The following NUDC variants were observed in gnomAD, a reference collection of about 807,000 sequenced individuals.
NUDC encodes nuclear distribution C, dynein complex regulator, also known as nuclear migration protein nudC.
Under a neutral mutation model 45.0 loss-of-function variants are expected in NUDC, and 14 were observed. That is an observed-to-expected ratio of 0.31 (90% confidence interval 0.21 to 0.49). The LOEUF (loss-of-function observed/expected upper bound fraction) is 0.49. Ranked by LOEUF, NUDC falls within the 20% of genes least tolerant of loss-of-function variation. NUDC has a pLI of 0.99. For synonymous variants in NUDC, 153 were observed against 156.7 expected (o/e 0.98, Z 0.17); for missense variants, 323 against 426.2 (o/e 0.76, Z 2.13).
rs779227569 is a variant in NUDC at position 26,942,886 on chromosome 1, T to A, written c.562T>A (p.Cys188Ser). 6.2e-7 allele frequency: 1 copy of A among 1,613,820 alleles called. No individual in the cohort carries two copies. ...LSELDLAVPF[C>S]VNFRLKGKDM... is the part of the protein sequence containing the mutation. ...CCCTATGCAGCTGGCGGTCCCTTTC[T>A]GTGTGAACTTCCGGCTGAAAGGGAA... is the stretch of plus-strand genomic sequence containing the variant. Residue 188 changes from cysteine (C) to serine (S), a missense_variant, in exon 6 of 9, where the codon TGT becomes AGT. This residue lies in a region of NUDC where 245 missense variants were observed against 278.8 expected (regional missense o/e 0.88). Coordinates refer to ENST00000321265, the MANE Select transcript of NUDC (RefSeq NM_006600.4).
Position 26,945,380 on chromosome 1 carries a change from C to G in NUDC, c.742-10C>G, listed in dbSNP as rs766730960. 1.9e-6 allele frequency: 3 copies of G among 1,613,410 alleles called. No homozygotes were observed. The highest frequency in any genetic ancestry group is 1.7e-6 in the Non-Finnish European group (2 of 1,179,438). On this transcript the variant is annotated splice_polypyrimidine_tract_variant and intron_variant, in intron 6 of 8. Coordinates refer to ENST00000321265, the MANE Select transcript of NUDC (RefSeq NM_006600.4). ...GGCCACCTCCCACCCTCTGGTTGTTCTCTTCACAGATCAATAAGATGGAGT... is the reference window on the plus strand; with the variant it reads ...GGCCACCTCCCACCCTCTGGTTGTTGTCTTCACAGATCAATAAGATGGAGT...
chr1:26,906,126 C>T (rs1238162115), intron 2 of NUDC, among the ~76,000 whole-genome samples: 1 of 152,152 alleles, frequency 6.6e-6, no homozygotes, highest in African/African-American at 2.4e-5. Context: ...ACTAAAAATA[C>T]ACAATTAGCA....
chr1:26,913,805 G>A, intron 3 of NUDC: 1 of 1,526,878 alleles, frequency 6.5e-7, no homozygotes, highest in Non-Finnish European at 8.8e-7. Context: ...AGCTGGACGG[G>A]CCGGTGCTGC....
At chr1:26,919,393 C>A (rs2082077887), upstream of NUDC, among the ~76,000 whole-genome samples, 1 of 152,176 alleles carries the variant, frequency 6.6e-6, no homozygotes, top group African/African-American at 2.4e-5. Flanking sequence ...TTTGTAGAGA[C>A]AGGGTTTTGC....
At chr1:26,900,498 C>T (rs1269648015) in intron 1 of NUDC, 4 of 1,434,328 alleles carry the variant, frequency 2.8e-6, no homozygotes, top group South Asian at 1.2e-5. Context: ...CCGCGAGCAA[C>T]GTTCCAGCCC....
intron 2 of NUDC, among the ~76,000 whole-genome samples, chr1:26,903,380 G>C (rs754553992): frequency 1.4e-4 from 21 of 152,102 alleles, no homozygotes; most frequent in Non-Finnish European, 2.8e-4. Flanking sequence ...GGACTTCAAA[G>C]TTAATGGTAA....
intron 2 of NUDC, among the ~76,000 whole-genome samples, chr1:26,937,430 C>T (rs1409920693): frequency 6.6e-6 from 1 of 151,570 alleles, no homozygotes; most frequent in Non-Finnish European, 1.5e-5. Context: ...CAGGCATATG[C>T]CACCGTGTCT....
chr1:26,929,821 A>C (rs915285709), intron 2 of NUDC: 2 of 200,020 alleles, frequency 1.0e-5, no homozygotes, highest in African/African-American at 4.7e-5. Context: ...GTCAGGAGTT[A>C]GAGGCCAGCC....
intron 2 of NUDC, among the ~76,000 whole-genome samples, chr1:26,906,518 C>G (rs1274615316): frequency 6.6e-6 from 1 of 152,006 alleles, no homozygotes; most frequent in East Asian, 1.9e-4. Context: ...AGTGAAATAC[C>G]ATAATCCAGG....
rs920893674 is a variant in NUDC, at chr1:26,946,321, A to G, written c.*140A>G. The G allele has an allele frequency of 2.3e-5, 18 of 778,030 alleles. No individual in the cohort carries two copies. The Admixed American group carries it at 3.5e-4, about 15-fold the overall frequency. The allele number at this position is 778,030 out of a possible 1,614,324, so 48.2% of individuals were successfully genotyped here. A position where few individuals can be genotyped will look rare whatever the true frequency, so the allele number is the denominator to read the frequency against. On this transcript the variant is annotated 3_prime_UTR_variant, in exon 9 of 9. Transcript: ENST00000321265. The stretch of plus-strand genomic sequence containing the variant: ...CCAGGCACACAGGTCCCGGGGCATC[A>G]GGAGAAAGGCTGGGTCTTGGGACCT...
At chr1:26,912,238 G>A (rs2082032693) in intron 3 of NUDC, 2 of 795,332 alleles carry the variant, frequency 2.5e-6, no homozygotes, top group Admixed American at 2.9e-5. Context: ...CTTTAGAGGA[G>A]GTAATTTATT....
upstream of NUDC, chr1:26,921,578 C>T (rs1570721005): frequency 1.1e-5 from 6 of 554,308 alleles, no homozygotes; most frequent in East Asian, 1.9e-4. Flanking sequence ...GCTCCGCCTA[C>T]CGCTTCGTGG....
At chr1:26,919,573 G>A (rs148970074), upstream of NUDC, among the ~76,000 whole-genome samples, 89 of 152,270 alleles carry the variant, frequency 5.8e-4, no homozygotes, top group African/African-American at 2.1e-3. Flanking sequence ...GTACAGCAAG[G>A]GTCATGAGGT....
intron 2 of NUDC, among the ~76,000 whole-genome samples, chr1:26,941,117 T>G (rs2082272998): frequency 6.7e-6 from 1 of 149,418 alleles, no homozygotes; most frequent in African/African-American, 2.5e-5. Flanking sequence ...TTTTGTATTT[T>G]TGGTAGAGAC....
At chr1:26,932,595 T>C (rs1216846492) in intron 2 of NUDC, among the ~76,000 whole-genome samples, 1 of 152,136 alleles carries the variant, frequency 6.6e-6, no homozygotes, top group African/African-American at 2.4e-5. Flanking sequence ...AGTTCTAGGA[T>C]AACAGATGTG....
At chr1:26,909,899 C>T (rs1318786174) in intron 2 of NUDC, among the ~76,000 whole-genome samples, 1 of 151,736 alleles carries the variant, frequency 6.6e-6, no homozygotes, top group African/African-American at 2.4e-5. Context: ...CTGGTGGGGA[C>T]AGTTGTTGAG....
chr1:26,905,500 C>T (rs1327543223), intron 2 of NUDC, among the ~76,000 whole-genome samples: 3 of 152,036 alleles, frequency 2.0e-5, no homozygotes, highest in Non-Finnish European at 2.9e-5. Context: ...TGAGAAGTCA[C>T]AGGACAAGGG....
At chr1:26,905,157 ATTT>A (rs71007901) in intron 2 of NUDC, among the ~76,000 whole-genome samples, 6 of 84,286 alleles carry the variant, frequency 7.1e-5, no homozygotes, top group African/African-American at 8.1e-5. Flanking sequence ...TATTATTATT[ATTT>A]TTTTTTTTTT....
chr1:26,914,783 A>T (rs1456711803), intron 3 of NUDC, among the ~76,000 whole-genome samples: 4 of 152,160 alleles, frequency 2.6e-5, no homozygotes. Context: ...CCTGGCCAAC[A>T]TGGCAAAATC....
Sources: allele counts gnomAD v4.1 joint callset (sites outside exome capture counted in the v4.1 genomes callset), GRCh38; gene constraint gnomAD v4.1.1; regional missense constraint gnomAD v4.1.1; transcripts MANE v1.5; gene names NCBI Gene and HGNC (gene_info 2026-07-23, HGNC 2026-07-21).